Variants in SEMA3D observed in about 807,000 individuals in gnomAD.
The protein encoded by SEMA3D is semaphorin 3D.
Under a neutral mutation model 100.1 loss-of-function variants are expected in SEMA3D, and 84 were observed. That is an observed-to-expected ratio of 0.84 (90% CI 0.70 to 1.01). The LOEUF (loss-of-function observed/expected upper bound fraction) is 1.01, where lower values mean the gene tolerates loss of function less well. Ranked by LOEUF, SEMA3D falls within the 50% of genes least tolerant of loss-of-function variation. The pLI, the probability that SEMA3D is intolerant of heterozygous loss-of-function variation, is 0.00. For synonymous variants in SEMA3D, 312 were observed against 320.7 expected, an observed-to-expected ratio of 0.97 and a Z score of 0.29; for missense variants, 875 against 934.1, an observed-to-expected ratio of 0.94 and a Z score of 0.82.
chr7:85,068,219 A>T lies in SEMA3D; in HGVS notation c.561T>A (p.Pro187=). ...TCATTACTGAAGCAAAAGGCTGCTGAGGATCGAAAGGACATTTCAGTCTGC... is the reference window on the plus strand; with the variant it reads ...TCATTACTGAAGCAAAAGGCTGCTGTGGATCGAAAGGACATTTCAGTCTGC... The part of the protein sequence containing the change: ...ESGRLKCPFD[P]QQPFASVMTD... Residue 187 remains proline (P), a synonymous_variant, in exon 7 of 19, where the codon CCT becomes CCA. Transcript: ENST00000284136. 6.2e-7 allele frequency: 1 copy of T among 1,606,464 alleles called. No individual in the cohort carries two copies. Among genetic ancestry groups the T allele is most frequent in the Non-Finnish European group, 8.5e-7 (1 of 1,173,110 alleles).
intron 1 of SEMA3D, among the ~76,000 whole-genome samples, chr7:85,173,930 A>G (rs949162615): frequency 6.6e-6 from 1 of 152,116 alleles, no homozygotes; most frequent in African/African-American, 2.4e-5. Context: ...AATTAAACCA[A>G]TCAAGGACTC....
At chr7:85,031,314 A>T (rs1452556182) in intron 12 of SEMA3D, among the ~76,000 whole-genome samples, 7 of 152,034 alleles carry the variant, frequency 4.6e-5, no homozygotes, top group Non-Finnish European at 8.8e-5. Context: ...TTTTTTAAAA[A>T]ATAACCTACG....
At chr7:85,051,888 G>C (rs1791175366) in intron 9 of SEMA3D, among the ~76,000 whole-genome samples, 1 of 151,836 alleles carries the variant, frequency 6.6e-6, no homozygotes, top group African/African-American at 2.4e-5. Flanking sequence ...AAATCTCTAT[G>C]ATAGGAGCAA....
In SEMA3D at chr7:85,008,828, T is replaced by C. The variant is rs191997515; in HGVS notation, c.1769-1887A>G. On this transcript the variant is annotated intron_variant, in intron 17 of 18. Transcript: ENST00000284136. ...TGAGAAAATAACACCTTTACTTTCT[T>C]ATGGTACAATGTACACAAACTTTGT... 7.5e-4 allele frequency among the ~76,000 whole-genome samples: 114 copies of C among 151,900 alleles called. 2 individuals are homozygous for C. In the East Asian group the frequency reaches 0.018, roughly 24 times the overall value.
At chr7:85,169,702 A>G (rs899685751) in intron 1 of SEMA3D, among the ~76,000 whole-genome samples, 1 of 151,816 alleles carries the variant, frequency 6.6e-6, no homozygotes, top group African/African-American at 2.4e-5. Flanking sequence ...ATTTATTTAA[A>G]CAAAAATATT....
the SEMA3D span, among the ~76,000 whole-genome samples, chr7:85,248,620 A>G: frequency 1.3e-5 from 2 of 152,184 alleles, no homozygotes; most frequent in Admixed American, 1.3e-4. Flanking sequence ...TGATACATCT[A>G]GACAATGGAA....
chr7:85,153,337 G>A (rs1790486523), intron 2 of SEMA3D, among the ~76,000 whole-genome samples: 1 of 152,126 alleles, frequency 6.6e-6, no homozygotes, highest in African/African-American at 2.4e-5. Flanking sequence ...AGATGATACA[G>A]CAGAGACCCA....
Position 84,999,431 on chromosome 7 carries a change from A to C in SEMA3D, c.*9T>G. The C allele has an allele frequency of 6.2e-7, 1 of 1,608,466 alleles. No individual in the cohort carries two copies. The highest frequency in any genetic ancestry group is 8.5e-7 in the Non-Finnish European group (1 of 1,176,426). On this transcript the variant is annotated 3_prime_UTR_variant, in exon 19 of 19. Transcript: ENST00000284136. ...GTAAGGAATTCTTTTCTTTAAATTAAGTAGAAAACTACGTGGCTACAGCTC... is the reference window on the plus strand; with the variant it reads ...GTAAGGAATTCTTTTCTTTAAATTACGTAGAAAACTACGTGGCTACAGCTC...
chr7:85,218,690 C>G, the SEMA3D span, among the ~76,000 whole-genome samples: 3 of 152,070 alleles, frequency 2.0e-5, no homozygotes, highest in Admixed American at 2.0e-4. Flanking sequence ...AAAATTAATA[C>G]ATACAAATTG....
chr7:85,179,560 C>T (rs1347797126), intron 1 of SEMA3D, among the ~76,000 whole-genome samples: 1 of 152,114 alleles, frequency 6.6e-6, no homozygotes, highest in Non-Finnish European at 1.5e-5. Flanking sequence ...TCCCCAATGC[C>T]TGTACCCCAA....
chr7:85,106,551 AGTATAT>A (rs1251988506), intron 3 of SEMA3D, among the ~76,000 whole-genome samples: 1 of 152,138 alleles, frequency 6.6e-6, no homozygotes, highest in Non-Finnish European at 1.5e-5. Context: ...ATTAAAATCA[AGTATAT>A]GTATATCAAA....
At chr7:85,169,209 T>C (rs553616770) in intron 1 of SEMA3D, among the ~76,000 whole-genome samples, 3 of 151,764 alleles carry the variant, frequency 2.0e-5, no homozygotes, top group Admixed American at 6.6e-5. Context: ...AGACTGAAAT[T>C]AAACAAAACA....
intron 1 of SEMA3D, among the ~76,000 whole-genome samples, 154 bp downstream of exon 1, chr7:85,186,524 T>C (rs1380893314): frequency 6.6e-6 from 1 of 152,002 alleles, no homozygotes; most frequent in Non-Finnish European, 1.5e-5. Context: ...CCCGGGAGCC[T>C]TCTCTGTCTC....
chr7:85,081,918 T>G (rs569024468), intron 4 of SEMA3D, among the ~76,000 whole-genome samples: 73 of 152,298 alleles, frequency 4.8e-4, no homozygotes, highest in African/African-American at 1.7e-3. Flanking sequence ...ATGTACCATG[T>G]TTTTCTGTGT....
chr7:85,245,711 C>G, the SEMA3D span, among the ~76,000 whole-genome samples: 3 of 151,798 alleles, frequency 2.0e-5, no homozygotes, highest in Non-Finnish European at 2.9e-5. Flanking sequence ...CATTTTTTTT[C>G]TTTCATAAGA....
the SEMA3D span, among the ~76,000 whole-genome samples, chr7:85,230,201 C>T: frequency 7.9e-5 from 12 of 152,322 alleles, no homozygotes; most frequent in African/African-American, 2.9e-4. Flanking sequence ...TTCTCTGTGT[C>T]TCATTCAGCC....
the SEMA3D span, among the ~76,000 whole-genome samples, chr7:85,228,161 A>G: frequency 6.6e-6 from 1 of 152,032 alleles, no homozygotes; most frequent in Non-Finnish European, 1.5e-5. Context: ...TTTACTTTTT[A>G]TGTGTTTGTC....
chr7:85,117,906 A>AATATAT (rs1440359553), intron 3 of SEMA3D, among the ~76,000 whole-genome samples: 2 of 151,062 alleles, frequency 1.3e-5, no homozygotes, highest in Admixed American at 6.6e-5. Flanking sequence ...TATAGATATA[A>AATATAT]ATATATAGAT....
At chr7:85,249,006 T>A in the SEMA3D span, among the ~76,000 whole-genome samples, 1 of 152,094 alleles carries the variant, frequency 6.6e-6, no homozygotes, top group Non-Finnish European at 1.5e-5. Context: ...GTCAATGTAG[T>A]TTAATTAGTT....
Sources: allele counts gnomAD v4.1 joint callset (sites outside exome capture counted in the v4.1 genomes callset), GRCh38; gene constraint gnomAD v4.1.1; transcripts MANE v1.5; gene names NCBI Gene and HGNC (gene_info 2026-07-23, HGNC 2026-07-21).